Variants in LRCH1 observed in about 807,000 individuals in gnomAD.
LRCH1 encodes leucine rich repeats and calponin homology domain containing 1.
A neutral mutation model predicts 94.9 loss-of-function variants in LRCH1; 23 were observed. The ratio of observed to expected loss-of-function variants is 0.24; its 90% CI spans 0.17 to 0.34. LRCH1 has a LOEUF of 0.34. LRCH1 is among the 10% of genes least tolerant of loss of function. LRCH1 has a pLI of 1.00. For missense variants in LRCH1, 790 were observed against 945.9 expected, an observed-to-expected ratio of 0.84 and a Z score of 2.16; for synonymous variants, 364 against 354.9, an observed-to-expected ratio of 1.03 and a Z score of -0.29.
At chr13:46,656,445 C>T (rs2051370656) in intron 2 of LRCH1, among the ~76,000 whole-genome samples, 1 of 152,002 alleles carries the variant, frequency 6.6e-6, no homozygotes, top group African/African-American at 2.4e-5. Flanking sequence ...AAGATCTTAC[C>T]CCATTCAAAG....
chr13:46,574,992 C>T (rs763204380), intron 1 of LRCH1, among the ~76,000 whole-genome samples: 5 of 152,056 alleles, frequency 3.3e-5, no homozygotes, highest in Admixed American at 6.6e-5. Context: ...TCTATAAGCA[C>T]ATTCTGGAAT....
At chr13:46,634,222 A>T (rs887658392) in intron 1 of LRCH1, among the ~76,000 whole-genome samples, 2 of 152,106 alleles carry the variant, frequency 1.3e-5, no homozygotes, top group African/African-American at 2.4e-5. Context: ...CCAGTCATTC[A>T]TCCACGTCAG....
chr13:46,621,236 A>G (rs543526837), intron 1 of LRCH1, among the ~76,000 whole-genome samples: 1 of 152,212 alleles, frequency 6.6e-6, no homozygotes, highest in South Asian at 2.1e-4. Context: ...TGTTGCAGGT[A>G]CCACAGTGGA....
At chr13:46,701,764 G>A (rs976935414) in intron 11 of LRCH1, among the ~76,000 whole-genome samples, 1 of 152,148 alleles carries the variant, frequency 6.6e-6, no homozygotes, top group Non-Finnish European at 1.5e-5. Flanking sequence ...TTAACTAATG[G>A]TAATGGAATT....
intron 9 of LRCH1, among the ~76,000 whole-genome samples, chr13:46,698,959 C>T (rs1353849189): frequency 6.6e-6 from 1 of 152,226 alleles, no homozygotes; most frequent in African/African-American, 2.4e-5. Context: ...CTCCCTCGTT[C>T]CTTCCCGGCA....
intron 1 of LRCH1, among the ~76,000 whole-genome samples, chr13:46,554,246 C>G (rs1340371247): frequency 6.6e-6 from 1 of 152,236 alleles, no homozygotes. Flanking sequence ...GTGCCGCGAG[C>G]CCCCTCGGCG....
At chr13:46,736,283 G>A (rs1873382495) in intron 19 of LRCH1, among the ~76,000 whole-genome samples, 1 of 152,154 alleles carries the variant, frequency 6.6e-6, no homozygotes, top group Admixed American at 6.5e-5. Context: ...AGTAAGTAAA[G>A]AATATTTAGT....
Position 46,596,751 on chromosome 13 carries a change from C to T in LRCH1, c.307+43048C>T, listed in dbSNP as rs1027097537. 5.9e-5 allele frequency among the ~76,000 whole-genome samples: 9 copies of T among 152,160 alleles called. No homozygotes were observed. The East Asian group carries it at 1.2e-3, about 20-fold the overall frequency. On this transcript the variant is annotated intron_variant, in intron 1 of 19. Coordinates refer to ENST00000389797, the MANE Select transcript of LRCH1 (RefSeq NM_001164211.2). ...ACAGCTTGCGATTGGATCAAAGTCA[C>T]GCAAAGTTACGCAGGTGGTAGATGC... is the stretch of plus-strand genomic sequence containing the variant.
chr13:46,669,165 C>T lies in LRCH1; in HGVS notation c.579+9C>T. Reference sequence around the variant, plus strand: ...AACAGTTAATGGAGCTGGTATGTTACCGATTTTTAAGATGCTCTTTTTTGT... The same window carrying T: ...AACAGTTAATGGAGCTGGTATGTTATCGATTTTTAAGATGCTCTTTTTTGT... On this transcript the variant is annotated intron_variant, in intron 3 of 19. Transcript: ENST00000389797. The T allele has an allele frequency of 6.2e-7, 1 of 1,612,490 alleles. No individual in the cohort carries two copies. Among genetic ancestry groups the T allele is most frequent in the Non-Finnish European group, 8.5e-7 (1 of 1,179,136 alleles).
intron 1 of LRCH1, among the ~76,000 whole-genome samples, chr13:46,602,146 T>C (rs2050635016): frequency 6.6e-6 from 1 of 152,190 alleles, no homozygotes; most frequent in South Asian, 2.1e-4. Flanking sequence ...TTAACTTCTC[T>C]AAGCCTCAAA....
At chr13:46,639,584 C>T (rs2051134282) in intron 1 of LRCH1, among the ~76,000 whole-genome samples, 1 of 152,194 alleles carries the variant, frequency 6.6e-6, no homozygotes, top group South Asian at 2.1e-4. Context: ...TGGAAAGTTT[C>T]TGAGACCTCT....
At chr13:46,688,007 A>G in intron 6 of LRCH1, 28 bp downstream of exon 6, 1 of 1,588,208 alleles carries the variant, frequency 6.3e-7, no homozygotes, top group Non-Finnish European at 8.6e-7. Context: ...TCAAAGCCCC[A>G]GTTTAAAATT....
At chr13:46,653,160 A>G (rs2051327941) in intron 2 of LRCH1, among the ~76,000 whole-genome samples, 1 of 152,220 alleles carries the variant, frequency 6.6e-6, no homozygotes, top group Non-Finnish European at 1.5e-5. Context: ...AGAATATAGG[A>G]AGAGGCTGTT....
At chr13:46,591,149 C>T (rs1439201954) in intron 1 of LRCH1, among the ~76,000 whole-genome samples, 5 of 151,996 alleles carry the variant, frequency 3.3e-5, no homozygotes, top group Non-Finnish European at 7.4e-5. Context: ...TTGTGTGCCC[C>T]GCAACTTGGC....
At chr13:46,654,223 C>G (rs576456310) in intron 2 of LRCH1, among the ~76,000 whole-genome samples, 1 of 152,134 alleles carries the variant, frequency 6.6e-6, no homozygotes, top group Non-Finnish European at 1.5e-5. Context: ...ACTACCACCC[C>G]ACTCCCAGCC....
exon 19 of LRCH1, chr13:46,752,790 A>T (rs928900917): frequency 6.6e-6 from 1 of 151,856 alleles, no homozygotes; most frequent in Non-Finnish European, 1.5e-5. Flanking sequence ...ATTTCTTTTG[A>T]TATTAATTTT....
chr13:46,590,481 C>G (rs1326517322), intron 1 of LRCH1, among the ~76,000 whole-genome samples: 1 of 152,058 alleles, frequency 6.6e-6, no homozygotes, highest in East Asian at 1.9e-4. Context: ...TCAGTGTTAT[C>G]ACAGGCCAAT....
At chr13:46,689,637 T>C (rs1870797386) in intron 7 of LRCH1, among the ~76,000 whole-genome samples, 2 of 152,188 alleles carry the variant, frequency 1.3e-5, no homozygotes, top group African/African-American at 2.4e-5. Flanking sequence ...ATTTTAATAG[T>C]TGATCCACAG....
At position 46,617,810 on chromosome 13, in the gene LRCH1, G is replaced by T. The variant is rs146058146; in HGVS notation, c.308-32391G>T. 5.5e-4 allele frequency among the ~76,000 whole-genome samples: 84 copies of T among 152,244 alleles called. No homozygotes were observed. In the East Asian group the frequency reaches 7.9e-3, roughly 14 times the overall value. On this transcript the variant is annotated intron_variant, in intron 1 of 19. Transcript: ENST00000389797. ...CAATAAAAGCTCTCATTCAGGATAG[G>T]CCCCAAAACATTTTTTTCTTTATAA...
Sources: allele counts gnomAD v4.1 joint callset (sites outside exome capture counted in the v4.1 genomes callset), GRCh38; gene constraint gnomAD v4.1.1; transcripts MANE v1.5; gene names NCBI Gene and HGNC (gene_info 2026-07-23, HGNC 2026-07-21).